Variants in TAP2 observed in about 807,000 individuals in gnomAD.
TAP2 encodes antigen peptide transporter 2.
Under a neutral mutation model 74.7 loss-of-function variants are expected in TAP2, and 49 were observed. That is an observed-to-expected ratio of 0.66 (90% CI 0.52 to 0.83). The LOEUF is 0.83. TAP2 is among the 40% of genes least tolerant of loss of function. TAP2 has a pLI of 0.00. For synonymous variants in TAP2, 306 were observed against 368.4 expected (o/e 0.83, Z 1.94); for missense variants, 739 against 859.0 (o/e 0.86, Z 1.75).
Position 32,832,530 on chromosome 6 carries a change from G to T in TAP2, c.1144-69C>A. ...TCTTTCCCCCTCTCTGCCTCTATGA[G>T]ACTGAGCTGCAAAGGCCTCTAGAAC... On this transcript the variant is annotated intron_variant, in intron 6 of 11. Transcript: ENST00000374897. This position sits in a 1 kb window ranked among gnomAD's most constrained non-coding sequence, Gnocchi z 5.9. 1 of 1,611,426 alleles carries T rather than the reference G, an allele frequency of 6.2e-7. No homozygotes were observed. Among genetic ancestry groups the T allele is most frequent in the South Asian group, 1.1e-5 (1 of 90,916 alleles).
In TAP2 at chr6:32,827,616, C is replaced by T. The variant is rs1410477581; in HGVS notation, c.*1290G>A. On this transcript the variant is annotated 3_prime_UTR_variant, in exon 12 of 12. Coordinates refer to ENST00000374897, the MANE Select transcript of TAP2 (RefSeq NM_001290043.2). ...TTGAACTTGAAAATCAGGGGCGAGTCGAGCAGAAAATGGGCAAGAAAACAC... is the reference window on the plus strand; with the variant it reads ...TTGAACTTGAAAATCAGGGGCGAGTTGAGCAGAAAATGGGCAAGAAAACAC... 8 of 607,914 alleles carry T rather than the reference C, an allele frequency of 1.3e-5. No homozygotes were observed. Among genetic ancestry groups the T allele is most frequent in the African/African-American group, 2.0e-5 (1 of 50,714 alleles). 37.7% of individuals were successfully genotyped at this position (607,914 alleles called of 1,614,324 possible).
chr6:32,831,188 A>G (rs1769055167), intron 7 of TAP2, among the ~76,000 whole-genome samples: 1 of 152,188 alleles, frequency 6.6e-6, no homozygotes, highest in Non-Finnish European at 1.5e-5. Context: ...TTCTCTACAC[A>G]AAAAAGATGT....
At position 32,825,884 on chromosome 6, in the gene TAP2, A is replaced by G; in HGVS notation, c.*3022T>C. On this transcript the variant is annotated 3_prime_UTR_variant, in exon 12 of 12. Coordinates refer to ENST00000374897, the MANE Select transcript of TAP2 (RefSeq NM_001290043.2). ...TCTCACTCTTAGAATTGAGATAGTA[A>G]TACCTGCCACATAGAATTATCTTGA... The G allele has an allele frequency of 1.5e-6, 1 of 675,150 alleles. No homozygotes were observed. The highest frequency in any genetic ancestry group is 1.8e-6 in the Non-Finnish European group (1 of 547,190). 41.8% of individuals were successfully genotyped at this position (675,150 alleles called of 1,614,324 possible). A position where few individuals can be genotyped will look rare whatever the true frequency, so the allele number is the denominator to read the frequency against.
In TAP2 at chr6:32,828,676, C is replaced by CCTCCACCCCACCACA; in HGVS notation, c.*229_*230insTGTGGTGGGGTGGAG. The CCTCCACCCCACCACA allele has an allele frequency of 1.2e-6, 1 of 802,758 alleles. No homozygotes were observed. The highest frequency in any genetic ancestry group is 1.5e-6 in the Non-Finnish European group (1 of 680,842). 49.7% of individuals were successfully genotyped at this position (802,758 alleles called of 1,614,324 possible). The stretch of plus-strand genomic sequence containing the variant: ...AATTAAGTTTCCTGGACACAGACAG[C>CCTCCACCCCACCACA]CCCCACCCCACCCCACCCCACCTCT... On this transcript the variant is annotated 3_prime_UTR_variant, in exon 12 of 12. Transcript: ENST00000374897.
chr6:32,838,289 T>A, intron 1 of TAP2, 52 bp from the exon 2 acceptor site: 1 of 1,501,696 alleles, frequency 6.7e-7, no homozygotes, highest in Non-Finnish European at 8.8e-7. Flanking sequence ...CCAATCCTTG[T>A]CCCTGCCCTC....
chr6:32,834,546 A>T (rs972986817), intron 5 of TAP2, among the ~76,000 whole-genome samples: 16 of 152,148 alleles, frequency 1.1e-4, no homozygotes, highest in African/African-American at 3.9e-4. Flanking sequence ...AAGATGAAAA[A>T]AGTTCTGGAG....
chr6:32,828,022 C>G lies in TAP2; in HGVS notation c.*884G>C, dbSNP rs1026897646. On this transcript the variant is annotated 3_prime_UTR_variant, in exon 12 of 12. Coordinates refer to ENST00000374897, the MANE Select transcript of TAP2 (RefSeq NM_001290043.2). ...GATTATGGATTAGGGTTTATGGACCCAAGATGCAATATAATTGATTGGGTC... is the reference window on the plus strand; with the variant it reads ...GATTATGGATTAGGGTTTATGGACCGAAGATGCAATATAATTGATTGGGTC... 5 of 984,168 alleles carry G rather than the reference C, an allele frequency of 5.1e-6. No individual in the cohort carries two copies. The highest frequency in any genetic ancestry group is 6.0e-6 in the Non-Finnish European group (5 of 829,016). 61.0% of individuals were successfully genotyped at this position (984,168 alleles called of 1,614,324 possible). A position where few individuals can be genotyped will look rare whatever the true frequency, so the allele number is the denominator to read the frequency against.
At chr6:32,838,553 T>C (rs1028314648) in intron 1 of TAP2, 100 bp downstream of exon 1, 11 of 321,224 alleles carry the variant, frequency 3.4e-5, no homozygotes, top group Non-Finnish European at 5.6e-5. Flanking sequence ...CTCCCTCCTA[T>C]CGCCGGGTGC....
Position 32,826,003 on chromosome 6 carries a change from C to G in TAP2, c.*2903G>C. ...GCTTAGTAGTAGTAGTAGTCTAATT[C>G]CTAAGAGTCCATGGAACTCTAGGTT... On this transcript the variant is annotated 3_prime_UTR_variant, in exon 12 of 12. Transcript: ENST00000374897. The G allele has an allele frequency of 1.0e-6, 1 of 985,344 alleles. No homozygotes were observed. The highest frequency in any genetic ancestry group is 4.7e-5 in the South Asian group (1 of 21,292). 61.0% of individuals were successfully genotyped at this position (985,344 alleles called of 1,614,324 possible). A position where few individuals can be genotyped will look rare whatever the true frequency, so the allele number is the denominator to read the frequency against.
At position 32,826,231 on chromosome 6, in the gene TAP2, T is replaced by C; in HGVS notation, c.*2675A>G. On this transcript the variant is annotated 3_prime_UTR_variant, in exon 12 of 12. Coordinates refer to ENST00000374897, the MANE Select transcript of TAP2 (RefSeq NM_001290043.2). Reference sequence around the variant, plus strand: ...AAGTGGCTATCCCTGGGTGGAGGCATAAAGGACTTGAAACTCAATGCTGTT... The same window carrying C: ...AAGTGGCTATCCCTGGGTGGAGGCACAAAGGACTTGAAACTCAATGCTGTT... The C allele has an allele frequency of 2.0e-6, 2 of 985,416 alleles. No individual in the cohort carries two copies. Among genetic ancestry groups the C allele is most frequent in the Non-Finnish European group, 2.4e-6 (2 of 829,934 alleles). The allele number at this position is 985,416 out of a possible 1,614,324, so 61.0% of individuals were successfully genotyped here.
intron 9 of TAP2, 80 bp from the exon 10 acceptor site, chr6:32,830,169 C>T (rs1768963882): frequency 2.5e-6 from 4 of 1,612,458 alleles, no homozygotes; most frequent in Non-Finnish European, 2.5e-6. Flanking sequence ...ACCTACCTCC[C>T]TCAGAATGAA....
In TAP2 at chr6:32,837,589, G is replaced by T; in HGVS notation, c.556C>A (p.Pro186Thr). 6.2e-7 allele frequency: 1 copy of T among 1,614,010 alleles called. No homozygotes were observed. The highest frequency in any genetic ancestry group is 2.2e-5 in the East Asian group (1 of 44,882). ...VIDILGGDFD[P>T]HAFASAIFFM... ...AAGATGGCACTGGCAAAGGCATGGG[G>T]GTCAAAATCACCTCCCAGGATGTCA... is the stretch of plus-strand genomic sequence containing the variant. Residue 186 changes from proline to threonine, a missense_variant, in exon 3 of 12, where the codon CCC becomes ACC. By Grantham distance (38) the Pro-to-Thr change is conservative. Transcript: ENST00000374897.
intron 5 of TAP2, among the ~76,000 whole-genome samples, chr6:32,833,888 A>G (rs1769248991): frequency 6.6e-6 from 1 of 152,304 alleles, no homozygotes; most frequent in East Asian, 1.9e-4. Context: ...TAATGGTTTT[A>G]AAAAGGGGAA....
At position 32,828,771 on chromosome 6, in the gene TAP2, G is replaced by A; in HGVS notation, c.*135C>T. ...GCAACTCAGGAACAGCTATCTGGCC[G>A]CACAGCTCTAGGGAAACTCAAAGCA... On this transcript the variant is annotated 3_prime_UTR_variant, in exon 12 of 12. Coordinates refer to ENST00000374897, the MANE Select transcript of TAP2 (RefSeq NM_001290043.2). The A allele has an allele frequency of 2.6e-6, 3 of 1,164,320 alleles. No individual in the cohort carries two copies. The highest frequency in any genetic ancestry group is 1.6e-5 in the African/African-American group (1 of 61,630). 72.1% of individuals were successfully genotyped at this position (1,164,320 alleles called of 1,614,324 possible).
Position 32,828,681 on chromosome 6 carries a change from A to ACCCC in TAP2, c.*221_*224dup. ...AGTTTCCTGGACACAGACAGCCCCC[A>ACCCC]CCCCACCCCACCCCACCTCTCTACC... On this transcript the variant is annotated 3_prime_UTR_variant, in exon 12 of 12. Transcript: ENST00000374897. The ACCCC allele has an allele frequency of 1.6e-6, 1 of 606,168 alleles. No homozygotes were observed. The highest frequency in any genetic ancestry group is 2.0e-6 in the Non-Finnish European group (1 of 497,970). 37.5% of individuals were successfully genotyped at this position (606,168 alleles called of 1,614,324 possible).
chr6:32,828,881 G>C lies in TAP2; in HGVS notation c.*25C>G. The stretch of plus-strand genomic sequence containing the variant: ...CAGTCCATCAGCCGCTGCTGCACCA[G>C]GCGGGAATAGAGGTCCTGTCCCTCC... On this transcript the variant is annotated 3_prime_UTR_variant, in exon 12 of 12. Coordinates refer to ENST00000374897, the MANE Select transcript of TAP2 (RefSeq NM_001290043.2). The C allele has an allele frequency of 4.6e-6, 7 of 1,526,442 alleles. No homozygotes were observed. Among genetic ancestry groups the C allele is most frequent in the Non-Finnish European group, 6.2e-6 (7 of 1,130,462 alleles). 94.6% of individuals were successfully genotyped at this position (1,526,442 alleles called of 1,614,324 possible).
chr6:32,824,545 C>A (rs1272150502), downstream of TAP2, among the ~76,000 whole-genome samples: 1 of 152,160 alleles, frequency 6.6e-6, no homozygotes, highest in East Asian at 1.9e-4. Context: ...TATTTACATT[C>A]GTTTCTGTTA....
Position 32,830,679 on chromosome 6 carries a change from AC to A in TAP2, c.1399del (p.Val467LeufsTer2). The A allele has an allele frequency of 6.2e-7, 1 of 1,612,764 alleles. No homozygotes were observed. The highest frequency in any genetic ancestry group is 2.2e-5 in the East Asian group (1 of 44,878). ...AAAGGAGACGTCTTGGAATTTCACA[AC>A]CCCCTGCAGAGTGGTGGGGGCAAGC... Reference protein sequence around the residue: ...GTLAPTTLQGVVKFQDVSFAY... With the variant: ...GTLAPTTLQGXVKFQDVSFAY... On this transcript the variant is annotated frameshift_variant, in exon 8 of 12. Coordinates refer to ENST00000374897, the MANE Select transcript of TAP2 (RefSeq NM_001290043.2). LOFTEE classifies it high-confidence loss of function.
Position 32,825,693 on chromosome 6 carries a change from T to A in TAP2, c.*3213A>T, listed in dbSNP as rs1381005726. 6.6e-6 allele frequency: 1 copy of A among 151,594 alleles called. No homozygotes were observed. The highest frequency in any genetic ancestry group is 1.5e-5 in the Non-Finnish European group (1 of 68,016). 9.4% of individuals were successfully genotyped at this position (151,594 alleles called of 1,614,324 possible). A position where few individuals can be genotyped will look rare whatever the true frequency, so the allele number is the denominator to read the frequency against. On this transcript the variant is annotated 3_prime_UTR_variant, in exon 12 of 12. Transcript: ENST00000374897. ...CAAACCACATTCATATATTGCTTAT[T>A]TAAATAAATAAATAATATATTTTAA...
Sources: gnomAD v4.1 joint callset for allele counts (sites outside exome capture counted in the v4.1 genomes callset) on GRCh38, gnomAD v4.1.1 for gene constraint, Gnocchi (gnomAD v3.1) non-coding constraint, MANE v1.5 for transcripts, NCBI Gene and HGNC (gene_info 2026-07-23, HGNC 2026-07-21) for gene names.